The following CALN1 variants were observed in gnomAD, a reference collection of about 807,000 sequenced individuals.
CALN1 encodes calneuron 1.
Under a neutral mutation model 30.6 loss-of-function variants are expected in CALN1, and 17 were observed. That is an observed-to-expected ratio of 0.56 (90% confidence interval 0.38 to 0.83). The LOEUF (loss-of-function observed/expected upper bound fraction) is 0.83. Ranked by LOEUF, CALN1 falls within the 40% of genes least tolerant of loss-of-function variation. The pLI is 0.00. For missense variants in CALN1, 291 were observed against 354.9 expected (o/e 0.82, Z 1.45); for synonymous variants, 156 against 131.4 (o/e 1.19, Z -1.28).
chr7:71,982,874 G>A (rs950303979), intron 5 of CALN1, among the ~76,000 whole-genome samples: 7 of 152,168 alleles, frequency 4.6e-5, no homozygotes, highest in African/African-American at 1.7e-4. Flanking sequence ...TGTACCAGTA[G>A]GAAAGGGGCT....
intron 5 of CALN1, among the ~76,000 whole-genome samples, chr7:71,869,575 T>C (rs2116723385): frequency 6.6e-6 from 1 of 152,316 alleles, no homozygotes; most frequent in African/African-American, 2.4e-5. Flanking sequence ...ACTGTTATAT[T>C]TGCCCTTTGG....
intron 5 of CALN1, among the ~76,000 whole-genome samples, chr7:71,891,835 T>C (rs1793257656): frequency 6.6e-6 from 1 of 152,100 alleles, no homozygotes; most frequent in Admixed American, 6.6e-5. Flanking sequence ...TCCCAGCTAC[T>C]CTGGAGTCTG....
intron 3 of CALN1, among the ~76,000 whole-genome samples, chr7:72,151,182 C>T (rs1787215148): frequency 6.6e-6 from 1 of 152,076 alleles, no homozygotes; most frequent in Non-Finnish European, 1.5e-5. Context: ...TAGAATTTGC[C>T]ATCAAGGTTA....
chr7:72,422,493 A>T (rs916030842), intron 1 of CALN1, among the ~76,000 whole-genome samples: 1 of 152,164 alleles, frequency 6.6e-6, no homozygotes, highest in Non-Finnish European at 1.5e-5. Context: ...GCATCTTTTA[A>T]TTCTTCTTGC....
chr7:72,148,169 A>C (rs1786918959), intron 3 of CALN1, among the ~76,000 whole-genome samples: 1 of 150,210 alleles, frequency 6.7e-6, no homozygotes, highest in Non-Finnish European at 1.5e-5. Flanking sequence ...AATATGATCC[A>C]CAGTGTTAGA....
At chr7:71,958,971 G>A (rs913201064) in intron 5 of CALN1, among the ~76,000 whole-genome samples, 3 of 152,194 alleles carry the variant, frequency 2.0e-5, no homozygotes, top group African/African-American at 7.2e-5. Flanking sequence ...CTTTCCTTAT[G>A]ACGGGAAACC....
At chr7:72,159,538 C>G (rs1318876960) in intron 3 of CALN1, among the ~76,000 whole-genome samples, 1 of 151,618 alleles carries the variant, frequency 6.6e-6, no homozygotes, top group Non-Finnish European at 1.5e-5. Context: ...TGGCTTATGC[C>G]TGTAATCCCA....
At chr7:72,036,235 A>G (rs1305306716) in intron 4 of CALN1, among the ~76,000 whole-genome samples, 1 of 152,162 alleles carries the variant, frequency 6.6e-6, no homozygotes, top group African/African-American at 2.4e-5. Flanking sequence ...ACAATCTCAT[A>G]TGTGATGAGA....
chr7:72,095,566 A>T (rs187376243), intron 4 of CALN1, among the ~76,000 whole-genome samples: 76 of 152,304 alleles, frequency 5.0e-4, no homozygotes, highest in Non-Finnish European at 8.5e-4. Flanking sequence ...GTAAACTTAC[A>T]AATCTCCAGG....
chr7:71,949,422 T>G (rs963937525), intron 5 of CALN1, among the ~76,000 whole-genome samples: 2 of 152,126 alleles, frequency 1.3e-5, no homozygotes, highest in African/African-American at 4.8e-5. Flanking sequence ...CTCACTCTGT[T>G]GCCCAGACTG....
intron 1 of CALN1, among the ~76,000 whole-genome samples, chr7:72,405,474 G>A (rs971249021): frequency 2.0e-5 from 3 of 152,246 alleles, no homozygotes; most frequent in Admixed American, 6.5e-5. Context: ...TGAGACATAT[G>A]CCCAGGAGCA....
rs554357898 is a variant in CALN1 at position 72,313,348 on chromosome 7, C to T, written c.120-34538G>A. On this transcript the variant is annotated intron_variant, in intron 2 of 6. Transcript: ENST00000395275. ...TTGGAAAAAAATAACAATAAAGTTA[C>T]ATCCCTATATCCTACCATAGCCAAA... 2.6e-5 allele frequency among the ~76,000 whole-genome samples: 4 copies of T among 152,182 alleles called. No homozygotes were observed. In the East Asian group the frequency reaches 7.7e-4, roughly 29 times the overall value.
intron 2 of CALN1, among the ~76,000 whole-genome samples, chr7:72,286,399 G>C (rs1170558419): frequency 6.6e-6 from 1 of 152,206 alleles, no homozygotes; most frequent in Non-Finnish European, 1.5e-5. Context: ...ATGAAGATGA[G>C]AAATTAGCTG....
the CALN1 span, among the ~76,000 whole-genome samples, chr7:72,453,988 C>CA: frequency 1.4e-5 from 2 of 146,104 alleles, no homozygotes; most frequent in African/African-American, 2.6e-5. Flanking sequence ...AATTCACAAC[C>CA]AAAAAATATA....
the CALN1 span, among the ~76,000 whole-genome samples, chr7:72,476,412 C>A: frequency 6.6e-6 from 1 of 152,134 alleles, no homozygotes; most frequent in Non-Finnish European, 1.5e-5. Context: ...TCTTTATTAG[C>A]ATCATGAGAA....
intron 5 of CALN1, among the ~76,000 whole-genome samples, chr7:72,020,190 C>A (rs1800624319): frequency 6.6e-6 from 1 of 152,198 alleles, no homozygotes; most frequent in Non-Finnish European, 1.5e-5. Context: ...TCCAGAGCAG[C>A]TAGGACTACA....
chr7:72,340,202 C>T (rs1014317784), intron 2 of CALN1, among the ~76,000 whole-genome samples: 1 of 152,188 alleles, frequency 6.6e-6, no homozygotes, highest in African/African-American at 2.4e-5. Flanking sequence ...CAAAGCTTTA[C>T]CTCCTTAACT....
chr7:72,268,573 A>C (rs936892213), intron 3 of CALN1, among the ~76,000 whole-genome samples: 1 of 152,308 alleles, frequency 6.6e-6, no homozygotes, highest in African/African-American at 2.4e-5. Context: ...TGGGAGGATG[A>C]GGCAGGCAGA....
intron 5 of CALN1, among the ~76,000 whole-genome samples, chr7:71,847,380 T>G (rs1790324865): frequency 6.6e-6 from 1 of 152,066 alleles, no homozygotes; most frequent in East Asian, 1.9e-4. Context: ...CTGGGTGCAG[T>G]GGCTCACGCT....
Sources: gnomAD v4.1 joint callset for allele counts (sites outside exome capture counted in the v4.1 genomes callset) on GRCh38, gnomAD v4.1.1 for gene constraint, MANE v1.5 for transcripts, NCBI Gene and HGNC (gene_info 2026-07-23, HGNC 2026-07-21) for gene names.